HEXA: variants seen among roughly 807,000 people sequenced by gnomAD.
HEXA encodes beta-hexosaminidase subunit alpha.
A neutral mutation model predicts 73.3 loss-of-function variants in HEXA; 54 were observed. That is an observed-to-expected ratio of 0.74 (90% confidence interval 0.59 to 0.92). The LOEUF (loss-of-function observed/expected upper bound fraction) is 0.92, where lower values mean the gene tolerates loss of function less well. Ranked by LOEUF, HEXA falls within the 40% of genes least tolerant of loss-of-function variation. The pLI is 0.00. For missense variants in HEXA, 649 were observed against 653.0 expected, an observed-to-expected ratio of 0.99 and a Z score of 0.07; for synonymous variants, 230 against 246.9, an observed-to-expected ratio of 0.93 and a Z score of 0.64.
Position 72,346,596 on chromosome 15 carries a change from A to G in HEXA, c.1261T>C (p.Tyr421His). 6.2e-7 allele frequency: 1 copy of G among 1,614,122 alleles called. No individual in the cohort carries two copies. Among genetic ancestry groups the G allele is most frequent in the East Asian group, 2.2e-5 (1 of 44,884 alleles). Residue 421 changes from tyrosine to histidine, a missense_variant, in exon 11 of 14, where the codon TAC becomes CAC. Tyr to His is a moderately conservative substitution (Grantham distance 83). Coordinates refer to ENST00000268097, the MANE Select transcript of HEXA (RefSeq NM_000520.6). ...GGGCCATAGGATATACGGTTCAGGT[A>G]CCAGGGGGCAGAGAGAAGGGCCCGG... ...GFRALLSAPW[Y>H]LNRISYGPDW...
intron 3 of HEXA, chr15:72,355,005 G>A (rs1413221762): frequency 1.3e-5 from 2 of 155,474 alleles, no homozygotes; most frequent in African/African-American, 4.8e-5. Context: ...CCAATTACAT[G>A]TCTTTAGCAA....
chr15:72,349,269 G>C lies in HEXA; in HGVS notation c.806-10C>G. ...AGTAATCCAGGGATACCTAAGCCAA[G>C]AGAAAACCCCATATGAGTGTCACAA... On this transcript the variant is annotated splice_polypyrimidine_tract_variant and intron_variant, in intron 7 of 13. Transcript: ENST00000268097. 1 of 1,611,920 alleles carries C rather than the reference G, an allele frequency of 6.2e-7. No homozygotes were observed. Among genetic ancestry groups the C allele is most frequent in the Non-Finnish European group, 8.5e-7 (1 of 1,178,348 alleles).
chr15:72,367,820 C>A (rs1231136141), intron 1 of HEXA, among the ~76,000 whole-genome samples: 1 of 152,216 alleles, frequency 6.6e-6, no homozygotes, highest in Non-Finnish European at 1.5e-5. Flanking sequence ...ATGCGGAATA[C>A]TATCTTCACC....
chr15:72,364,946 CA>C (rs1228792569), intron 1 of HEXA, among the ~76,000 whole-genome samples: 3 of 150,896 alleles, frequency 2.0e-5, no homozygotes, highest in Non-Finnish European at 4.4e-5. Flanking sequence ...CTCAGCCTCC[CA>C]AACAGCTAAG....
In HEXA at chr15:72,353,953, T is replaced by C. The variant is rs1240527898; in HGVS notation, c.413-216A>G. ...TATTTCATTTTGGGAGATGTCAGAG[T>C]AAGGGTTTTAGTGCCCTTCCTTACA... On this transcript the variant is annotated intron_variant, in intron 3 of 13. Transcript: ENST00000268097. 15 of 619,648 alleles carry C rather than the reference T, an allele frequency of 2.4e-5. No individual in the cohort carries two copies. The East Asian group carries it at 3.9e-4, about 16-fold the overall frequency. The allele number at this position is 619,648 out of a possible 1,614,324, so 38.4% of individuals were successfully genotyped here. A position where few individuals can be genotyped will look rare whatever the true frequency, so the allele number is the denominator to read the frequency against.
intron 1 of HEXA, chr15:72,357,958 C>G (rs16956788): frequency 0.035 from 5,298 of 152,306 alleles, 149 homozygotes; most frequent in East Asian, 0.12. Flanking sequence ...TGAGGCAACT[C>G]TGGGCCAGGT....
At chr15:72,365,267 T>A (rs903775270) in intron 1 of HEXA, among the ~76,000 whole-genome samples, 1 of 152,104 alleles carries the variant, frequency 6.6e-6, no homozygotes, top group Admixed American at 6.6e-5. Flanking sequence ...TTTTTTATTA[T>A]TATTATTATT....
intron 11 of HEXA, 93 bp downstream of exon 11, chr15:72,346,434 T>A: frequency 6.6e-7 from 1 of 1,513,566 alleles, no homozygotes; most frequent in Non-Finnish European, 9.2e-7. Context: ...TTTCATTTAC[T>A]AACTGGAAAT....
chr15:72,343,984 A>G lies in HEXA; in HGVS notation c.*93T>C, dbSNP rs2088578902. ...AGGGGCACGCAGGCAAGGGGCACGA[A>G]GGCAAGGGGCTCCGTCCCCTGGCCA... On this transcript the variant is annotated 3_prime_UTR_variant, in exon 14 of 14. Transcript: ENST00000268097. 1.8e-6 allele frequency: 2 copies of G among 1,093,628 alleles called. No individual in the cohort carries two copies. The highest frequency in any genetic ancestry group is 3.4e-5 in the Admixed American group (2 of 58,712). 67.7% of individuals were successfully genotyped at this position (1,093,628 alleles called of 1,614,324 possible). A position where few individuals can be genotyped will look rare whatever the true frequency, so the allele number is the denominator to read the frequency against.
At chr15:72,367,153 G>A (rs1328600760) in intron 1 of HEXA, among the ~76,000 whole-genome samples, 1 of 151,844 alleles carries the variant, frequency 6.6e-6, no homozygotes, top group East Asian at 1.9e-4. Flanking sequence ...ATGTTGGTCA[G>A]ACTGGTCTCG....
Position 72,342,332 on chromosome 15 carries a change from G to C in HEXA, c.*1745C>G, listed in dbSNP as rs1485482950. ...AGGACCTCGAAGGAACATGACCCAG[G>C]GGCTGAAGGATGGTGTTGAAGGACC... On this transcript the variant is annotated 3_prime_UTR_variant, in exon 14 of 14. Coordinates refer to ENST00000268097, the MANE Select transcript of HEXA (RefSeq NM_000520.6). The C allele has an allele frequency of 6.6e-6, 1 of 152,154 alleles. No individual in the cohort carries two copies. Among genetic ancestry groups the C allele is most frequent in the Admixed American group, 6.5e-5 (1 of 15,284 alleles). 9.4% of individuals were successfully genotyped at this position (152,154 alleles called of 1,614,324 possible).
At chr15:72,354,551 G>A (rs2088747184) in intron 3 of HEXA, 1 of 152,354 alleles carries the variant, frequency 6.6e-6, no homozygotes, top group Non-Finnish European at 1.5e-5. Flanking sequence ...CTAGTGTACT[G>A]TTTTGGCTTC....
rs1232467148 is a variant in HEXA at position 72,342,546 on chromosome 15, GC to G, written c.*1530del. On this transcript the variant is annotated 3_prime_UTR_variant, in exon 14 of 14. Coordinates refer to ENST00000268097, the MANE Select transcript of HEXA (RefSeq NM_000520.6). ...ATGGCTGCGATGCATTACTGCCCCC[GC>G]CTCTGGCTTACAGTATCACTTCTGC... 2.6e-5 allele frequency: 4 copies of G among 152,206 alleles called. No individual in the cohort carries two copies. The highest frequency in any genetic ancestry group is 9.7e-5 in the African/African-American group (4 of 41,448). 9.4% of individuals were successfully genotyped at this position (152,206 alleles called of 1,614,324 possible).
chr15:72,362,302 C>G, intron 1 of HEXA: 1 of 271,844 alleles, frequency 3.7e-6, no homozygotes, highest in South Asian at 3.2e-5. Flanking sequence ...CCTATGTGAT[C>G]ATGCAGCAAT....
chr15:72,353,033 T>A (rs1268171219), intron 5 of HEXA, 35 bp downstream of exon 5: 4 of 1,253,294 alleles, frequency 3.2e-6, no homozygotes, highest in Non-Finnish European at 3.5e-6. Context: ...ACCCTAGAAC[T>A]CTTAAGTGTG....
intron 3 of HEXA, 70 bp downstream of exon 3, chr15:72,355,489 G>T: frequency 9.2e-7 from 1 of 1,085,366 alleles, no homozygotes; most frequent in Non-Finnish European, 1.4e-6. Context: ...CTGGGCCACT[G>T]CACTCCACCA....
intron 1 of HEXA, chr15:72,359,658 T>C (rs938885113): frequency 2.6e-5 from 3 of 114,782 alleles, no homozygotes; most frequent in Non-Finnish European, 4.9e-5. Flanking sequence ...ACTGCACCAC[T>C]GCACCCCAGC....
chr15:72,351,463 G>A, intron 5 of HEXA: 1 of 598,656 alleles, frequency 1.7e-6, no homozygotes, highest in Non-Finnish European at 3.0e-6. Flanking sequence ...ATCCAAAGAT[G>A]GATGATAGAA....
At position 72,345,515 on chromosome 15, in the gene HEXA, C is replaced by T. The variant is rs1408716264; in HGVS notation, c.1457G>A (p.Ser486Asn). 1 of 1,614,256 alleles carries T rather than the reference C, an allele frequency of 6.2e-7. No individual in the cohort carries two copies. The highest frequency in any genetic ancestry group is 1.1e-5 in the South Asian group (1 of 91,092). The change falls in exon 13 of 14, where the codon AGC becomes AAC. Residue 486 changes from serine to asparagine, a missense_variant. Ser to Asn is a conservative substitution (Grantham distance 46). Transcript: ENST00000268097. ...TGTCAGGTCAGATGTCAACTTGTTG[C>T]TCCACAGCCTTTCGGCAACAGCCCC... ...RAGAVAERLW[S>N]NKLTSDLTFA...
Sources: allele counts gnomAD v4.1 joint callset (sites outside exome capture counted in the v4.1 genomes callset), GRCh38; gene constraint gnomAD v4.1.1; transcripts MANE v1.5; gene names NCBI Gene and HGNC (gene_info 2026-07-23, HGNC 2026-07-21).